Variants in ZNF532 observed in about 807,000 individuals in gnomAD.
ZNF532 encodes the protein zinc finger protein 532.
In ZNF532, 22 loss-of-function variants were observed where a neutral mutation model predicts 89.3. The observed-to-expected ratio is 0.25, with a 90% confidence interval of 0.18 to 0.35. ZNF532 has a LOEUF of 0.35. ZNF532 is among the 10% of genes least tolerant of loss of function. ZNF532 has a pLI of 1.00. For synonymous variants in ZNF532, 606 were observed against 649.6 expected (o/e 0.93, Z 1.02); for missense variants, 1,132 against 1,643.4 (o/e 0.69, Z 5.38).
chr18:58,935,837 T>C (rs77144290), intron 4 of ZNF532, among the ~76,000 whole-genome samples: 14,632 of 152,012 alleles, frequency 0.096, 737 homozygotes, highest in Admixed American at 0.13. Context: ...ATTGTTAATA[T>C]GCAGTGATTT....
In ZNF532 at chr18:58,918,455, T is replaced by A. The variant is rs773914811; in HGVS notation, c.168T>A (p.Ser56=). ...AGGATGACTCCCACGCACCATCATC[T>A]TCTGATGTGGGTGTCAGCGTTATCG... ...HGEDDSHAPS[S]SDVGVSVIVK... is the part of the protein sequence containing the mutation. Residue 56 remains serine, a synonymous_variant, in exon 3 of 10, where the codon TCT becomes TCA. Transcript: ENST00000591808. 6.2e-7 allele frequency: 1 copy of A among 1,614,208 alleles called. No homozygotes were observed. The highest frequency in any genetic ancestry group is 1.1e-5 in the South Asian group (1 of 91,090).
chr18:58,884,243 G>T (rs1379651593), intron 2 of ZNF532, among the ~76,000 whole-genome samples: 2 of 152,186 alleles, frequency 1.3e-5, no homozygotes, highest in South Asian at 4.1e-4. Flanking sequence ...AGCTGGGTGC[G>T]CTGGGCGCGC....
intron 3 of ZNF532, among the ~76,000 whole-genome samples, chr18:58,923,570 G>T (rs1206038373): frequency 6.6e-6 from 1 of 152,084 alleles, no homozygotes; most frequent in Admixed American, 6.5e-5. Flanking sequence ...GTTGCCTGGG[G>T]TGCTATCCAG....
At chr18:58,898,293 A>G (rs1284124927) in intron 2 of ZNF532, among the ~76,000 whole-genome samples, 1 of 152,214 alleles carries the variant, frequency 6.6e-6, no homozygotes. Flanking sequence ...TCTCTGTCTT[A>G]TAGAATAGGA....
intron 2 of ZNF532, among the ~76,000 whole-genome samples, chr18:58,912,587 G>T (rs1017706372): frequency 2.6e-5 from 4 of 152,152 alleles, no homozygotes; most frequent in African/African-American, 9.7e-5. Flanking sequence ...TGTGGCCGGG[G>T]AGGAACCTTT....
intron 4 of ZNF532, among the ~76,000 whole-genome samples, chr18:58,937,717 C>G (rs969202359): frequency 3.3e-5 from 5 of 152,170 alleles, no homozygotes; most frequent in Non-Finnish European, 7.4e-5. Context: ...CTTCCTCTTT[C>G]ATGGGAGTTG....
chr18:58,912,744 T>C (rs1198877471), intron 2 of ZNF532, among the ~76,000 whole-genome samples: 1 of 152,188 alleles, frequency 6.6e-6, no homozygotes, highest in Non-Finnish European at 1.5e-5. Context: ...TTCCATAGCT[T>C]TTTTCATAAC....
intron 7 of ZNF532, among the ~76,000 whole-genome samples, chr18:58,963,425 A>G (rs1603303035): frequency 6.6e-6 from 1 of 152,148 alleles, no homozygotes; most frequent in Non-Finnish European, 1.5e-5. Context: ...GGAGAATGAA[A>G]GGATCAGAGT....
At chr18:58,880,772 G>C (rs1411788141) in intron 2 of ZNF532, among the ~76,000 whole-genome samples, 2 of 127,504 alleles carry the variant, frequency 1.6e-5, no homozygotes, top group Admixed American at 8.9e-5. Flanking sequence ...ACGCGCGCGC[G>C]TCTGTGTGTG....
chr18:58,956,348 T>A (rs2064776408), intron 7 of ZNF532, among the ~76,000 whole-genome samples: 1 of 152,204 alleles, frequency 6.6e-6, no homozygotes, highest in African/African-American at 2.4e-5. Flanking sequence ...CGTATTAGAT[T>A]GTAGTTTCAA....
chr18:58,960,867 C>T (rs1308391971), intron 7 of ZNF532, among the ~76,000 whole-genome samples: 1 of 151,860 alleles, frequency 6.6e-6, no homozygotes, highest in Non-Finnish European at 1.5e-5. Context: ...AGGGATTTTG[C>T]AAGGCAGATC....
In ZNF532 at chr18:58,918,524, A is replaced by G. The variant is rs770963139; in HGVS notation, c.237A>G (p.Lys79=). Residue 79 remains lysine, a synonymous_variant, in exon 3 of 10, where the codon AAA becomes AAG. Transcript: ENST00000591808. ...TTGACTCTTCCGAGGGCGGGGAGAA[A>G]GACGGCCACAACCCCACTGGCAATG... The part of the protein sequence containing the change: ...RNIDSSEGGE[K]DGHNPTGNGL... 3 of 1,614,148 alleles carry G rather than the reference A, an allele frequency of 1.9e-6. No homozygotes were observed. Among genetic ancestry groups the G allele is most frequent in the Non-Finnish European group, 2.5e-6 (3 of 1,180,040 alleles).
chr18:58,973,537 G>A (rs1050699567), intron 7 of ZNF532, among the ~76,000 whole-genome samples: 3 of 152,204 alleles, frequency 2.0e-5, no homozygotes, highest in African/African-American at 4.8e-5. Flanking sequence ...ATGGCGGAAC[G>A]GTGGCAGTTT....
chr18:58,888,715 A>ATATAAAT (rs71173094), intron 2 of ZNF532, among the ~76,000 whole-genome samples: 52 of 46,736 alleles, frequency 1.1e-3, no homozygotes, highest in African/African-American at 4.4e-3. Context: ...ATATATATAT[A>ATATAAAT]TATATATATA....
chr18:58,889,054 A>ATTTGAGTGTTT (rs2058706298), intron 2 of ZNF532, among the ~76,000 whole-genome samples: 2 of 149,004 alleles, frequency 1.3e-5, no homozygotes, highest in African/African-American at 4.9e-5. Flanking sequence ...AAAGTTCCAA[A>ATTTGAGTGTTT]TGAGCATTTG....
chr18:58,890,754 C>G (rs1282954092), intron 2 of ZNF532, among the ~76,000 whole-genome samples: 1 of 151,912 alleles, frequency 6.6e-6, no homozygotes, highest in African/African-American at 2.4e-5. Flanking sequence ...CTTCTTCTTC[C>G]TCCTCCCCCA....
chr18:58,944,392 C>T (rs1045941666), intron 5 of ZNF532, among the ~76,000 whole-genome samples: 2 of 151,890 alleles, frequency 1.3e-5, no homozygotes, highest in African/African-American at 4.8e-5. Context: ...CCCGTACTGG[C>T]TTTGTTGTGG....
chr18:58,868,923 A>G (rs768840309), intron 2 of ZNF532, among the ~76,000 whole-genome samples: 1 of 152,236 alleles, frequency 6.6e-6, no homozygotes, highest in Admixed American at 6.5e-5. Flanking sequence ...AGCCTACTAT[A>G]TACCTAGGCT....
At chr18:58,938,844 CAA>C (rs1238767664) in intron 4 of ZNF532, among the ~76,000 whole-genome samples, 1 of 152,190 alleles carries the variant, frequency 6.6e-6, no homozygotes, top group African/African-American at 2.4e-5. Flanking sequence ...GTAACCTCTC[CAA>C]AAACAGTGGT....
Sources: gnomAD v4.1 joint callset for allele counts (sites outside exome capture counted in the v4.1 genomes callset) on GRCh38, gnomAD v4.1.1 for gene constraint, MANE v1.5 for transcripts, NCBI Gene and HGNC (gene_info 2026-07-23, HGNC 2026-07-21) for gene names.